Variants in MYO16 observed in about 807,000 individuals in gnomAD.
MYO16 encodes myosin XVI, also known as unconventional myosin-XVI.
Under a neutral mutation model 205.3 loss-of-function variants are expected in MYO16, and 94 were observed. The ratio of observed to expected loss-of-function variants is 0.46; its 90% CI spans 0.39 to 0.54. The LOEUF (loss-of-function observed/expected upper bound fraction) is 0.54. Among genes scored for constraint, MYO16 ranks in the 20% least tolerant of loss-of-function variants. The pLI, the probability that MYO16 is intolerant of heterozygous loss-of-function variation, is 0.00. For synonymous variants in MYO16, 988 were observed against 954.0 expected, an observed-to-expected ratio of 1.04 and a Z score of -0.66; for missense variants, 2,315 against 2,387.5, an observed-to-expected ratio of 0.97 and a Z score of 0.63.
chr13:108,529,960 A>T, the MYO16 span, among the ~76,000 whole-genome samples: 1 of 152,110 alleles, frequency 6.6e-6, no homozygotes, highest in African/African-American at 2.4e-5. Flanking sequence ...TTTCTCTCTC[A>T]CTAAGGTTTT....
At chr13:108,853,579 A>G (rs1878001494) in intron 10 of MYO16, among the ~76,000 whole-genome samples, 1 of 148,586 alleles carries the variant, frequency 6.7e-6, no homozygotes, top group Admixed American at 6.8e-5. Flanking sequence ...CTTGTTGTTG[A>G]TATTTCTGAG....
chr13:109,008,802 CTG>C, intron 21 of MYO16, 93 bp from the exon 22 acceptor site: 1 of 625,874 alleles, frequency 1.6e-6, no homozygotes, highest in Non-Finnish European at 2.8e-6. Context: ...GTATGCACTA[CTG>C]TACTATCTTG....
At chr13:109,176,193 GT>G in intron 33 of MYO16, among the ~76,000 whole-genome samples, 1 of 151,796 alleles carries the variant, frequency 6.6e-6, no homozygotes, top group East Asian at 1.9e-4. Flanking sequence ...TGAATGTTAC[GT>G]AGTCTCATAT....
chr13:108,745,859 A>G (rs1303316095), intron 4 of MYO16, among the ~76,000 whole-genome samples: 1 of 152,152 alleles, frequency 6.6e-6, no homozygotes, highest in Non-Finnish European at 1.5e-5. Flanking sequence ...TAAAGAAACC[A>G]AAGGAACTCT....
intron 25 of MYO16, 67 bp downstream of exon 25, chr13:109,052,542 T>TA (rs1887279558): frequency 3.1e-6 from 4 of 1,301,724 alleles, no homozygotes; most frequent in South Asian, 2.8e-5. Flanking sequence ...TTCTTTTTTT[T>TA]TAAAAAAAAG....
At chr13:108,502,713 C>T in the MYO16 span, among the ~76,000 whole-genome samples, 1 of 152,088 alleles carries the variant, frequency 6.6e-6, no homozygotes, top group Non-Finnish European at 1.5e-5. Flanking sequence ...TTCAAGCTTA[C>T]TAATGTTTTT....
intron 2 of MYO16, among the ~76,000 whole-genome samples, chr13:108,691,017 G>A (rs1882874456): frequency 1.3e-5 from 2 of 152,084 alleles, no homozygotes; most frequent in Non-Finnish European, 2.9e-5. Flanking sequence ...GATTCTTATG[G>A]TAGATGTAGG....
chr13:108,572,933 G>A, the MYO16 span, among the ~76,000 whole-genome samples: 1 of 152,148 alleles, frequency 6.6e-6, no homozygotes. Context: ...GTGGGTGTCC[G>A]CTGCAGATAA....
the MYO16 span, among the ~76,000 whole-genome samples, chr13:108,520,803 A>G: frequency 6.6e-6 from 1 of 152,218 alleles, no homozygotes; most frequent in Non-Finnish European, 1.5e-5. Flanking sequence ...CCCTATGTAT[A>G]GACAGTAAGC....
At chr13:109,030,442 C>G (rs989437034) in intron 23 of MYO16, among the ~76,000 whole-genome samples, 1 of 152,180 alleles carries the variant, frequency 6.6e-6, no homozygotes, top group African/African-American at 2.4e-5. Flanking sequence ...TATCTCAAAA[C>G]TTTGCATTTT....
intron 2 of MYO16, among the ~76,000 whole-genome samples, chr13:108,677,345 A>G (rs1882267256): frequency 1.1e-5 from 1 of 92,224 alleles, no homozygotes; most frequent in African/African-American, 4.1e-5. Flanking sequence ...GTATATATAT[A>G]TATATATATG....
intron 34 of MYO16, among the ~76,000 whole-genome samples, chr13:109,180,264 C>G (rs891319340): frequency 6.6e-6 from 1 of 152,052 alleles, no homozygotes; most frequent in South Asian, 2.1e-4. Flanking sequence ...AAAAAAGAAC[C>G]CATTTGTGCT....
the MYO16 span, among the ~76,000 whole-genome samples, chr13:108,525,569 C>T: frequency 6.6e-6 from 1 of 152,176 alleles, no homozygotes; most frequent in Non-Finnish European, 1.5e-5. Context: ...TGTCTTCAGA[C>T]ATCGTTACAA....
chr13:109,083,065 TA>T, intron 27 of MYO16, among the ~76,000 whole-genome samples: 1 of 152,102 alleles, frequency 6.6e-6, no homozygotes, highest in Middle Eastern at 3.4e-3. Flanking sequence ...CAAGGGAATA[TA>T]AAGCTTATGC....
chr13:108,532,083 G>A, the MYO16 span, among the ~76,000 whole-genome samples: 2 of 152,224 alleles, frequency 1.3e-5, no homozygotes, highest in African/African-American at 4.8e-5. Flanking sequence ...GTGCACACCT[G>A]TAATCCCAGC....
chr13:109,063,042 G>A (rs570358472), intron 27 of MYO16, among the ~76,000 whole-genome samples: 12 of 152,230 alleles, frequency 7.9e-5, no homozygotes, highest in East Asian at 3.9e-4. Flanking sequence ...CAGTTTTGCC[G>A]TTGGGAAGTA....
At chr13:108,551,798 T>C in the MYO16 span, among the ~76,000 whole-genome samples, 1 of 152,308 alleles carries the variant, frequency 6.6e-6, no homozygotes, top group South Asian at 2.1e-4. Flanking sequence ...CATACTAAAG[T>C]TCCTGTGGTT....
At chr13:109,149,330 T>A (rs7982995) in intron 32 of MYO16, among the ~76,000 whole-genome samples, 2,534 of 152,246 alleles carry the variant, frequency 0.017, 61 homozygotes, top group African/African-American at 0.056. Flanking sequence ...ACGTCTCCTT[T>A]CTCCCCCTGG....
intron 27 of MYO16, among the ~76,000 whole-genome samples, chr13:109,057,478 T>C (rs572446115): frequency 6.6e-6 from 1 of 152,100 alleles, no homozygotes; most frequent in Admixed American, 6.6e-5. Context: ...CAGAAATAAA[T>C]CAAAGCTGGA....
Sources: gnomAD v4.1 joint callset for allele counts (sites outside exome capture counted in the v4.1 genomes callset) on GRCh38, gnomAD v4.1.1 for gene constraint, MANE v1.5 for transcripts, NCBI Gene and HGNC (gene_info 2026-07-23, HGNC 2026-07-21) for gene names.